The following TTC7A variants were observed in gnomAD, a reference collection of about 807,000 sequenced individuals.
TTC7A encodes tetratricopeptide repeat domain 7A, also known as tetratricopeptide repeat protein 7A.
A neutral mutation model predicts 103.7 loss-of-function variants in TTC7A; 110 were observed. The observed-to-expected ratio is 1.06, with a 90% confidence interval of 0.91 to 1.24. TTC7A has a LOEUF of 1.24. Among genes scored for constraint, TTC7A ranks in the 50% most tolerant of loss-of-function variants. TTC7A has a pLI of 0.00. For synonymous variants in TTC7A, 521 were observed against 467.9 expected, an observed-to-expected ratio of 1.11 and a Z score of -1.47; for missense variants, 1,340 against 1,116.3, an observed-to-expected ratio of 1.20 and a Z score of -2.86.
intron 11 of TTC7A, among the ~76,000 whole-genome samples, chr2:47,014,391 A>C (rs985838022): frequency 1.3e-5 from 2 of 152,220 alleles, no homozygotes; most frequent in Admixed American, 1.3e-4. Context: ...CACTGTAAAG[A>C]GAGCAGGCTG....
At chr2:46,937,148 G>A (rs1670020027), upstream of TTC7A, among the ~76,000 whole-genome samples, 1 of 152,032 alleles carries the variant, frequency 6.6e-6, no homozygotes, top group Non-Finnish European at 1.5e-5. This position sits in a 1 kb window ranked among gnomAD's most constrained non-coding sequence, Gnocchi z 4.0. Flanking sequence ...GAGCCACCAT[G>A]CCCAACCCCA....
chr2:46,940,876 C>T (rs567959693), upstream of TTC7A, among the ~76,000 whole-genome samples: 1 of 152,060 alleles, frequency 6.6e-6, no homozygotes, highest in African/African-American at 2.4e-5. This position sits in a 1 kb window ranked among gnomAD's most constrained non-coding sequence, Gnocchi z 4.7. Flanking sequence ...ATTTTTGTGA[C>T]GTGTCAGGGG....
At chr2:47,052,466 C>T (rs17036168) in intron 18 of TTC7A, among the ~76,000 whole-genome samples, 21,803 of 152,170 alleles carry the variant, frequency 0.14, 2,637 homozygotes, top group East Asian at 0.61. Flanking sequence ...GTCAGGGTGG[C>T]CATTACAAGT....
At chr2:47,050,762 GCTT>G (rs1169966012) in intron 17 of TTC7A, 1 of 152,232 alleles carries the variant, frequency 6.6e-6, no homozygotes, top group Non-Finnish European at 1.5e-5. Context: ...TGTATGCAGA[GCTT>G]CTGTCTCCCA....
intron 14 of TTC7A, among the ~76,000 whole-genome samples, chr2:47,028,635 G>T (rs1157882954): frequency 6.6e-6 from 1 of 152,208 alleles, no homozygotes; most frequent in African/African-American, 2.4e-5. Flanking sequence ...TTAGAATGTG[G>T]CTTTCCTGAC....
At chr2:47,013,368 C>T (rs944600229) in intron 11 of TTC7A, among the ~76,000 whole-genome samples, 6 of 152,154 alleles carry the variant, frequency 3.9e-5, no homozygotes, top group East Asian at 1.9e-4. Context: ...GTGCTGAGCA[C>T]GTGCAGCAGA....
intron 8 of TTC7A, among the ~76,000 whole-genome samples, chr2:47,002,836 A>G (rs1013016426): frequency 6.6e-6 from 1 of 152,024 alleles, no homozygotes; most frequent in South Asian, 2.1e-4. Context: ...CCAAAGCCAT[A>G]GTAACCACTC....
At chr2:47,018,795 G>C (rs1363991541) in intron 11 of TTC7A, among the ~76,000 whole-genome samples, 1 of 151,910 alleles carries the variant, frequency 6.6e-6, no homozygotes, top group Non-Finnish European at 1.5e-5. Flanking sequence ...ACCTCATCCA[G>C]GGAGAGACAC....
At position 46,957,928 on chromosome 2, in the gene TTC7A, A is replaced by G. The variant is rs1036487596; in HGVS notation, c.517+921A>G. 9.9e-5 allele frequency among the ~76,000 whole-genome samples: 15 copies of G among 152,152 alleles called. 1 individual carries two copies. The highest frequency in any genetic ancestry group is 6.5e-4 in the Admixed American group (10 of 15,278). On this transcript the variant is annotated intron_variant, in intron 3 of 19. Coordinates refer to ENST00000319190, the MANE Select transcript of TTC7A (RefSeq NM_020458.4). ...ATTTGTAGACTATGTGACACACTCTATTATAGATAGGGACATTCTCACTAT... is the reference window on the plus strand; with the variant it reads ...ATTTGTAGACTATGTGACACACTCTGTTATAGATAGGGACATTCTCACTAT...
intron 8 of TTC7A, among the ~76,000 whole-genome samples, chr2:47,004,607 G>T (rs1677177408): frequency 6.6e-6 from 1 of 152,150 alleles, no homozygotes; most frequent in African/African-American, 2.4e-5. Context: ...CTATTGTACA[G>T]AAGGAGGCTC....
rs1224063980 is a variant in TTC7A, at chr2:47,073,996, C to T, written c.*73C>T. ...GCAGGGAACGTGGGTCAGGGTGGGG[C>T]AACAGTGGCATCAGGTGCGGGGCCT... is the stretch of plus-strand genomic sequence containing the variant. On this transcript the variant is annotated 3_prime_UTR_variant, in exon 20 of 20. Coordinates refer to ENST00000319190, the MANE Select transcript of TTC7A (RefSeq NM_020458.4). The T allele has an allele frequency of 4.1e-6, 5 of 1,224,276 alleles. No individual in the cohort carries two copies. In the Admixed American group the frequency reaches 1.0e-4, roughly 25 times the overall value. 75.8% of individuals were successfully genotyped at this position (1,224,276 alleles called of 1,614,324 possible). A position where few individuals can be genotyped will look rare whatever the true frequency, so the allele number is the denominator to read the frequency against.
chr2:46,955,147 C>G (rs966783320), intron 2 of TTC7A, among the ~76,000 whole-genome samples: 57 of 151,154 alleles, frequency 3.8e-4, no homozygotes, highest in African/African-American at 1.3e-3. Context: ...CCTATTAATG[C>G]CTTCAGCATC....
At chr2:46,950,633 T>G in intron 2 of TTC7A, 107 bp downstream of exon 2, 1 of 1,273,560 alleles carries the variant, frequency 7.9e-7, no homozygotes, top group Non-Finnish European at 1.1e-6. Flanking sequence ...CAAGTCTCTC[T>G]TACAAGCTGC....
At chr2:47,068,960 C>T (rs1244918884) in intron 19 of TTC7A, among the ~76,000 whole-genome samples, 8 of 151,236 alleles carry the variant, frequency 5.3e-5, no homozygotes, top group Non-Finnish European at 1.0e-4. Context: ...CCTCCCCAAA[C>T]TGTCCTTTAC....
chr2:46,938,311 A>C (rs554189960), upstream of TTC7A, among the ~76,000 whole-genome samples: 1 of 152,356 alleles, frequency 6.6e-6, no homozygotes, highest in South Asian at 2.1e-4. Flanking sequence ...ACAAAATATC[A>C]ATCTTAAACT....
At chr2:47,020,082 C>T (rs547115262) in intron 11 of TTC7A, among the ~76,000 whole-genome samples, 68 of 152,270 alleles carry the variant, frequency 4.5e-4, no homozygotes, top group Non-Finnish European at 8.8e-4. Flanking sequence ...AGGTGTGTGC[C>T]TCCTGTGTCA....
intron 19 of TTC7A, among the ~76,000 whole-genome samples, chr2:47,066,477 T>C (rs1684189617): frequency 6.6e-6 from 1 of 150,618 alleles, no homozygotes; most frequent in Non-Finnish European, 1.5e-5. Context: ...AAGAAGGCTC[T>C]GGTCTCTAAG....
chr2:47,038,398 G>A (rs935210943), intron 15 of TTC7A, among the ~76,000 whole-genome samples: 5 of 152,194 alleles, frequency 3.3e-5, no homozygotes, highest in Admixed American at 2.6e-4. Flanking sequence ...AGCCCAGGCT[G>A]GGGACCATTT....
chr2:47,052,758 C>A (rs905627205), intron 18 of TTC7A, among the ~76,000 whole-genome samples: 2 of 152,112 alleles, frequency 1.3e-5, no homozygotes, highest in Admixed American at 6.6e-5. Flanking sequence ...CTAAAGTACC[C>A]CAGGCCAACA....
Sources: gnomAD v4.1 joint callset for allele counts (sites outside exome capture counted in the v4.1 genomes callset) on GRCh38, gnomAD v4.1.1 for gene constraint, Gnocchi (gnomAD v3.1) non-coding constraint, MANE v1.5 for transcripts, NCBI Gene and HGNC (gene_info 2026-07-23, HGNC 2026-07-21) for gene names.